KIF23: variants seen among roughly 807,000 people sequenced by gnomAD.
KIF23 encodes the protein kinesin family member 23, also known as kinesin-like protein KIF23.
A neutral mutation model predicts 137.5 loss-of-function variants in KIF23; 30 were observed. That is an observed-to-expected ratio of 0.22 (90% CI 0.16 to 0.30). The LOEUF (loss-of-function observed/expected upper bound fraction) is 0.30. Ranked by LOEUF, KIF23 falls within the 10% of genes least tolerant of loss-of-function variation. The pLI is 1.00. For synonymous variants in KIF23, 367 were observed against 391.1 expected, an observed-to-expected ratio of 0.94 and a Z score of 0.73; for missense variants, 920 against 1,194.3, an observed-to-expected ratio of 0.77 and a Z score of 3.38.
At chr15:69,424,505 T>A (rs971281606) in intron 7 of KIF23, among the ~76,000 whole-genome samples, 1 of 152,112 alleles carries the variant, frequency 6.6e-6, no homozygotes, top group Admixed American at 6.6e-5. Flanking sequence ...CATGGAAGAG[T>A]TAAAACCTTG....
chr15:69,432,181 G>C (rs1238773468), intron 11 of KIF23, among the ~76,000 whole-genome samples: 2 of 150,740 alleles, frequency 1.3e-5, no homozygotes, highest in East Asian at 2.0e-4. Flanking sequence ...GGAAAAGCTA[G>C]AAAGGACTGT....
In KIF23 at chr15:69,426,202, A is replaced by G. The variant is rs751739450; in HGVS notation, c.889+20A>G. The G allele has an allele frequency of 6.3e-7, 1 of 1,591,254 alleles. No homozygotes were observed. Among genetic ancestry groups the G allele is most frequent in the East Asian group, 2.2e-5 (1 of 44,792 alleles). On this transcript the variant is annotated intron_variant, in intron 9 of 23. Coordinates refer to ENST00000679126, the MANE Select transcript of KIF23 (RefSeq NM_001367805.3). The stretch of plus-strand genomic sequence containing the variant: ...GGAGAGGTTAGAAACACCTAGAACT[A>G]GAAAAATACAGAATGATGAATATCA...
At chr15:69,416,475 G>T (rs2056911585) in intron 2 of KIF23, among the ~76,000 whole-genome samples, 1 of 152,072 alleles carries the variant, frequency 6.6e-6, no homozygotes, top group Non-Finnish European at 1.5e-5. Flanking sequence ...AAATGAAGCA[G>T]GCAAAAAGAA....
At chr15:69,419,354 AT>A (rs1385713817) in intron 3 of KIF23, among the ~76,000 whole-genome samples, 1 of 152,216 alleles carries the variant, frequency 6.6e-6, no homozygotes, top group Non-Finnish European at 1.5e-5. Flanking sequence ...CTTTCAAAGA[AT>A]AAAATCTTTG....
At chr15:69,418,168 C>T (rs1413111944) in intron 3 of KIF23, among the ~76,000 whole-genome samples, 1 of 152,152 alleles carries the variant, frequency 6.6e-6, no homozygotes, top group Non-Finnish European at 1.5e-5. Context: ...CTCTTTTGTG[C>T]CTACTATTCC....
intron 11 of KIF23, among the ~76,000 whole-genome samples, chr15:69,430,363 T>C (rs1295728907): frequency 2.6e-5 from 4 of 152,232 alleles, no homozygotes; most frequent in African/African-American, 9.6e-5. Flanking sequence ...TGTTTTATGT[T>C]AATAAACATG....
intron 10 of KIF23, 37 bp from the exon 11 acceptor site, chr15:69,429,074 A>T: frequency 7.3e-7 from 1 of 1,362,116 alleles, no homozygotes; most frequent in Non-Finnish European, 1.0e-6. Context: ...AACCAGTTAT[A>T]ACCCATTTTA....
At chr15:69,425,220 G>T in intron 7 of KIF23, 62 bp from the exon 8 acceptor site, 1 of 1,276,854 alleles carries the variant, frequency 7.8e-7, no homozygotes, top group South Asian at 1.3e-5. Context: ...AGTCTGGACT[G>T]AACATGTTGG....
At chr15:69,445,151 A>C in intron 20 of KIF23, 110 bp downstream of exon 20, 1 of 1,056,368 alleles carries the variant, frequency 9.5e-7, no homozygotes, top group East Asian at 2.6e-5. Context: ...CTGGAACATC[A>C]GTAGGTATTT....
chr15:69,434,945 G>A, intron 11 of KIF23: 1 of 654,660 alleles, frequency 1.5e-6, no homozygotes, highest in Non-Finnish European at 2.7e-6. Context: ...ACGCGGGCAT[G>A]AGGATGGGCG....
At chr15:69,435,854 A>G in intron 13 of KIF23, 83 bp downstream of exon 13, 4 of 1,523,566 alleles carry the variant, frequency 2.6e-6, no homozygotes, top group Non-Finnish European at 3.6e-6. Context: ...GACATTTTGA[A>G]TATTTTAAAA....
In KIF23 at chr15:69,426,185, T is replaced by C; in HGVS notation, c.889+3T>C. 6.3e-7 allele frequency: 1 copy of C among 1,598,466 alleles called. No homozygotes were observed. The highest frequency in any genetic ancestry group is 8.5e-7 in the Non-Finnish European group (1 of 1,171,060). On this transcript the variant is annotated splice_donor_region_variant and intron_variant, in intron 9 of 23. Coordinates refer to ENST00000679126, the MANE Select transcript of KIF23 (RefSeq NM_001367805.3). ...GGCTTTTGAAGTTTTCTGGAGAGGT[T>C]AGAAACACCTAGAACTAGAAAAATA...
At chr15:69,433,943 C>G (rs2057413350) in intron 11 of KIF23, among the ~76,000 whole-genome samples, 2 of 152,072 alleles carry the variant, frequency 1.3e-5, no homozygotes, top group Admixed American at 1.3e-4. Context: ...CCACATTTCC[C>G]TGATAAGAAT....
chr15:69,414,851 T>C (rs1329301354), intron 1 of KIF23: 1 of 230,422 alleles, frequency 4.3e-6, no homozygotes, highest in African/African-American at 2.3e-5. Flanking sequence ...CAGAGTGCAG[T>C]TGGCCAACTT....
At chr15:69,434,490 A>G (rs189621331) in intron 11 of KIF23, 8 of 647,888 alleles carry the variant, frequency 1.2e-5, no homozygotes, top group East Asian at 2.7e-5. Context: ...TCCACCTTCA[A>G]TCTCATACTG....
At chr15:69,419,534 G>A (rs2057000067) in intron 3 of KIF23, among the ~76,000 whole-genome samples, 1 of 152,060 alleles carries the variant, frequency 6.6e-6, no homozygotes, top group Admixed American at 6.6e-5. Context: ...GGTCATCGTT[G>A]GGTTTCAGCT....
Position 69,440,086 on chromosome 15 carries a change from C to T in KIF23, c.1929+9C>T, listed in dbSNP as rs569083627. The T allele has an allele frequency of 1.9e-6, 3 of 1,611,238 alleles. No individual in the cohort carries two copies. Among genetic ancestry groups the T allele is most frequent in the Admixed American group, 3.4e-5 (2 of 59,558 alleles). On this transcript the variant is annotated intron_variant, in intron 17 of 23. Coordinates refer to ENST00000679126, the MANE Select transcript of KIF23 (RefSeq NM_001367805.3). ...AGTGGGAGAAAGAATGTGTGAGTAT[C>T]GTTTGGGTAGTGCTTGTCTCAGAGT...
intron 15 of KIF23, among the ~76,000 whole-genome samples, chr15:69,437,179 A>G (rs2057503759): frequency 6.6e-6 from 1 of 152,208 alleles, no homozygotes; most frequent in Non-Finnish European, 1.5e-5. Flanking sequence ...CACTCAAGGC[A>G]TTGTTTGATT....
In KIF23 at chr15:69,439,907, G is replaced by A; in HGVS notation, c.1759G>A (p.Glu587Lys). ...KKNKTLEYKI[E>K]ILEKTTTIYE... Reference sequence around the variant, plus strand: ...ACATAGTGGTCTACCTTCCTAGATTGAGATTTTAGAGAAAACAACTACTAT... The same window carrying A: ...ACATAGTGGTCTACCTTCCTAGATTAAGATTTTAGAGAAAACAACTACTAT... Residue 587 changes from glutamate to lysine, a missense_variant, in exon 17 of 24, where the codon GAG becomes AAG. Transcript: ENST00000679126. 1 of 1,609,622 alleles carries A rather than the reference G, an allele frequency of 6.2e-7. No individual in the cohort carries two copies. Among genetic ancestry groups the A allele is most frequent in the Non-Finnish European group, 8.5e-7 (1 of 1,177,814 alleles).
Sources: gnomAD v4.1 joint callset for allele counts (sites outside exome capture counted in the v4.1 genomes callset) on GRCh38, gnomAD v4.1.1 for gene constraint, MANE v1.5 for transcripts, NCBI Gene and HGNC (gene_info 2026-07-23, HGNC 2026-07-21) for gene names.